PPFIA1: variants seen among roughly 807,000 people sequenced by gnomAD.
PPFIA1 encodes liprin-alpha-1.
In PPFIA1, 25 loss-of-function variants were observed where a neutral mutation model predicts 149.9. That is an observed-to-expected ratio of 0.17 (90% CI 0.12 to 0.23). PPFIA1 has a LOEUF of 0.23. Ranked by LOEUF, PPFIA1 falls within the 10% of genes least tolerant of loss-of-function variation. The pLI is 1.00. For synonymous variants in PPFIA1, 549 were observed against 552.8 expected (o/e 0.99, Z 0.10); for missense variants, 1,362 against 1,506.5 (o/e 0.90, Z 1.59).
chr11:70,363,912 G>C (rs539112750), intron 21 of PPFIA1, among the ~76,000 whole-genome samples: 1 of 151,240 alleles, frequency 6.6e-6, no homozygotes, highest in Non-Finnish European at 1.5e-5. Context: ...TTTTTGTAGA[G>C]ATGGGTCTCA....
rs113939185 is a variant in PPFIA1 at position 70,323,470 on chromosome 11, C to T, written c.265-932C>T. Among the ~76,000 whole-genome samples, 311 of 152,242 alleles carry T rather than the reference C, an allele frequency of 2.0e-3. 2 individuals are homozygous for T. Among genetic ancestry groups the T allele is most frequent in the African/African-American group, 7.3e-3 (304 of 41,542 alleles). On this transcript the variant is annotated intron_variant, in intron 2 of 27. Coordinates refer to ENST00000253925, the MANE Select transcript of PPFIA1 (RefSeq NM_003626.5). ...AAGGCCCACTTTGCCCATGACTCCA[C>T]TAGCCAGGATGCAGCATCAGCACCA...
chr11:70,330,961 C>T (rs1363604416), intron 8 of PPFIA1, among the ~76,000 whole-genome samples: 1 of 151,908 alleles, frequency 6.6e-6, no homozygotes, highest in African/African-American at 2.4e-5. Flanking sequence ...CGGCCAGGCG[C>T]GGTGGCTCAC....
intron 2 of PPFIA1, among the ~76,000 whole-genome samples, chr11:70,306,355 C>T (rs2052849873): frequency 6.6e-6 from 1 of 151,966 alleles, no homozygotes; most frequent in Non-Finnish European, 1.5e-5. Context: ...AAGTACGTAA[C>T]CCTTTGACGC....
At chr11:70,325,047 T>A in intron 4 of PPFIA1, 36 bp downstream of exon 4, 2 of 1,563,160 alleles carry the variant, frequency 1.3e-6, no homozygotes, top group Non-Finnish European at 1.7e-6. Flanking sequence ...TTTGTGCACA[T>A]GCTGTGTATT....
At chr11:70,374,894 A>G (rs990378461) in intron 23 of PPFIA1, 24 bp from the exon 24 acceptor site, 1 of 1,605,994 alleles carries the variant, frequency 6.2e-7, no homozygotes, top group Non-Finnish European at 8.5e-7. Context: ...AGCCACTTTT[A>G]TAATTGTCTT....
At chr11:70,295,718 G>A (rs1168166806) in intron 2 of PPFIA1, among the ~76,000 whole-genome samples, 7 of 149,418 alleles carry the variant, frequency 4.7e-5, no homozygotes, top group South Asian at 2.1e-4. Flanking sequence ...CGGACGGGGC[G>A]GCTGGCCGGG....
At chr11:70,291,608 A>G (rs1035348797) in intron 2 of PPFIA1, among the ~76,000 whole-genome samples, 3 of 152,180 alleles carry the variant, frequency 2.0e-5, no homozygotes, top group Non-Finnish European at 4.4e-5. Context: ...AATTCAGTGC[A>G]TTGCCCTTCC....
intron 2 of PPFIA1, among the ~76,000 whole-genome samples, chr11:70,278,208 CT>C (rs1555076829): frequency 4.4e-4 from 64 of 146,158 alleles, no homozygotes; most frequent in Middle Eastern, 3.6e-3. Context: ...CATGCCTGGC[CT>C]TTTTTTTTTT....
intron 26 of PPFIA1, among the ~76,000 whole-genome samples, chr11:70,380,829 C>G (rs1003506185): frequency 1.3e-5 from 2 of 151,820 alleles, no homozygotes; most frequent in African/African-American, 2.4e-5. Flanking sequence ...CACAAGCCTG[C>G]TAAAGGGATT....
intron 2 of PPFIA1, among the ~76,000 whole-genome samples, chr11:70,273,402 G>A (rs1331440541): frequency 6.6e-6 from 1 of 152,204 alleles, no homozygotes; most frequent in Admixed American, 6.5e-5. Context: ...GTAAAAACTA[G>A]AAGAGTGTAA....
intron 2 of PPFIA1, among the ~76,000 whole-genome samples, chr11:70,282,676 C>T (rs1387429814): frequency 6.7e-6 from 1 of 150,008 alleles, no homozygotes; most frequent in South Asian, 2.1e-4. Context: ...CTACAGGTGC[C>T]CGCCACTACA....
Position 70,376,612 on chromosome 11 carries a change from G to A in PPFIA1, c.3384+12G>A. ...GAAGGTTTGATGAAGTAAGTTTTTG[G>A]CCTAATGTTCTTTAAATGTCTGAAA... On this transcript the variant is annotated intron_variant, in intron 25 of 27. Coordinates refer to ENST00000253925, the MANE Select transcript of PPFIA1 (RefSeq NM_003626.5). 2 of 1,599,608 alleles carry A rather than the reference G, an allele frequency of 1.3e-6. No homozygotes were observed. The highest frequency in any genetic ancestry group is 1.7e-6 in the Non-Finnish European group (2 of 1,166,900).
intron 2 of PPFIA1, among the ~76,000 whole-genome samples, chr11:70,296,642 G>C (rs2052047514): frequency 6.6e-6 from 1 of 151,386 alleles, no homozygotes; most frequent in East Asian, 1.9e-4. Flanking sequence ...GTACAGTCCA[G>C]CTTCGGCTCA....
chr11:70,280,564 C>T (rs1317405038), intron 2 of PPFIA1, among the ~76,000 whole-genome samples: 1 of 152,054 alleles, frequency 6.6e-6, no homozygotes, highest in African/African-American at 2.4e-5. Context: ...AGCGAAACTC[C>T]GTCTCGGGGA....
chr11:70,376,629 T>G (rs1326377404), intron 25 of PPFIA1, 29 bp downstream of exon 25: 8 of 1,511,676 alleles, frequency 5.3e-6, no homozygotes, highest in South Asian at 3.4e-5. Flanking sequence ...GTTCTTTAAA[T>G]GTCTGAAATG....
intron 2 of PPFIA1, among the ~76,000 whole-genome samples, chr11:70,318,007 A>G (rs538579154): frequency 5.3e-5 from 8 of 151,630 alleles, no homozygotes; most frequent in African/African-American, 1.7e-4. Context: ...GTCCATTATT[A>G]CCCTCCCAGC....
chr11:70,375,214 T>G, intron 24 of PPFIA1, 121 bp downstream of exon 24: 5 of 282,874 alleles, frequency 1.8e-5, no homozygotes, highest in Non-Finnish European at 2.7e-5. Context: ...TTCAGACAAC[T>G]AGTTTTTGGT....
chr11:70,292,883 G>A (rs951374341), intron 2 of PPFIA1, among the ~76,000 whole-genome samples: 4 of 152,334 alleles, frequency 2.6e-5, no homozygotes, highest in South Asian at 2.1e-4. Flanking sequence ...CCCCCTTATA[G>A]TATTACTGGA....
intron 15 of PPFIA1, among the ~76,000 whole-genome samples, chr11:70,344,678 G>A (rs997896702): frequency 4.6e-5 from 7 of 152,296 alleles, no homozygotes; most frequent in East Asian, 1.9e-4. Context: ...AGCCCCCATC[G>A]TCACTCAACA....
Sources: allele counts gnomAD v4.1 joint callset (sites outside exome capture counted in the v4.1 genomes callset), GRCh38; gene constraint gnomAD v4.1.1; transcripts MANE v1.5; gene names NCBI Gene and HGNC (gene_info 2026-07-23, HGNC 2026-07-21).